Variants in PPM1B observed in about 807,000 individuals in gnomAD.
PPM1B encodes protein phosphatase, Mg2+/Mn2+ dependent 1B.
Under a neutral mutation model 43.0 loss-of-function variants are expected in PPM1B, and 22 were observed. That is an observed-to-expected ratio of 0.51 (90% CI 0.37 to 0.73). PPM1B has a LOEUF of 0.73. Among genes scored for constraint, PPM1B ranks in the 30% least tolerant of loss-of-function variants. The pLI, the probability that PPM1B is intolerant of heterozygous loss-of-function variation, is 0.00. For synonymous variants in PPM1B, 217 were observed against 197.9 expected, an observed-to-expected ratio of 1.10 and a Z score of -0.81; for missense variants, 632 against 584.2, an observed-to-expected ratio of 1.08 and a Z score of -0.84.
At chr2:44,221,035 G>A (rs1282885745) in intron 5 of PPM1B, among the ~76,000 whole-genome samples, 1 of 152,152 alleles carries the variant, frequency 6.6e-6, no homozygotes, top group Non-Finnish European at 1.5e-5. Context: ...TAGGGTAATG[G>A]ACCACCTTAT....
At chr2:44,203,689 A>T (rs751275114) in intron 2 of PPM1B, among the ~76,000 whole-genome samples, 1 of 152,128 alleles carries the variant, frequency 6.6e-6, no homozygotes, top group Non-Finnish European at 1.5e-5. Context: ...TTCCAACAAT[A>T]TATTGTAGAG....
Position 44,201,288 on chromosome 2 carries a change from A to G in PPM1B, c.89A>G (p.Gln30Arg). The change falls in exon 2 of 6, where the codon CAA becomes CGA. Residue 30 changes from glutamine to arginine, a missense_variant. Physicochemically the swap from Gln to Arg is conservative, Grantham distance 43. Coordinates refer to ENST00000282412, the MANE Select transcript of PPM1B (RefSeq NM_002706.6). This position sits in a 1 kb window ranked among gnomAD's most constrained non-coding sequence, Gnocchi z 5.4. The stretch of plus-strand genomic sequence containing the variant: ...TTACGTTATGGCCTGAGCAGCATGC[A>G]AGGATGGAGAGTGGAAATGGAAGAT... ...NGLRYGLSSMQGWRVEMEDAH... is the reference protein window; with the variant it reads ...NGLRYGLSSMRGWRVEMEDAH... 3.1e-6 allele frequency: 5 copies of G among 1,614,190 alleles called. No individual in the cohort carries two copies. Among genetic ancestry groups the G allele is most frequent in the Non-Finnish European group, 4.2e-6 (5 of 1,180,028 alleles).
Position 44,201,382 on chromosome 2 carries a change from T to C in PPM1B, c.183T>C (p.Gly61=). 6.2e-7 allele frequency: 1 copy of C among 1,614,146 alleles called. No homozygotes were observed. The highest frequency in any genetic ancestry group is 8.5e-7 in the Non-Finnish European group (1 of 1,180,016). ...GGTCATTTTTTGCAGTTTATGATGG[T>C]CATGCTGGATCCCGAGTGGCAAATT... ...EDWSFFAVYD[G]HAGSRVANYC... is the part of the protein sequence containing the mutation. The change falls in exon 2 of 6, where the codon GGT becomes GGC. Residue 61 remains glycine, a synonymous_variant. Transcript: ENST00000282412. The surrounding 1 kb of genome is among the most constrained non-coding windows in gnomAD (Gnocchi z 5.4).
intron 5 of PPM1B, among the ~76,000 whole-genome samples, chr2:44,229,533 T>C (rs903324069): frequency 2.6e-5 from 4 of 152,214 alleles, no homozygotes; most frequent in Non-Finnish European, 5.9e-5. Flanking sequence ...TTCATATGAT[T>C]GTTTTCTCAT....
At chr2:44,228,157 C>T (rs983581677) in intron 5 of PPM1B, among the ~76,000 whole-genome samples, 11 of 146,352 alleles carry the variant, frequency 7.5e-5, no homozygotes, top group Middle Eastern at 3.3e-3. Context: ...TTCCTGACCT[C>T]GTGATCCACC....
chr2:44,208,850 A>G (rs953292698), intron 2 of PPM1B, among the ~76,000 whole-genome samples: 1 of 152,210 alleles, frequency 6.6e-6, no homozygotes, highest in African/African-American at 2.4e-5. Flanking sequence ...ACATTTGCAT[A>G]TGTGTTTGGG....
intron 5 of PPM1B, among the ~76,000 whole-genome samples, chr2:44,239,870 T>C (rs1362375979): frequency 6.7e-6 from 1 of 148,500 alleles, no homozygotes; most frequent in African/African-American, 2.5e-5. Flanking sequence ...TTTCTTCTGC[T>C]CTATTGTTTT....
chr2:44,192,860 C>G (rs1353327202), intron 1 of PPM1B, among the ~76,000 whole-genome samples: 1 of 152,160 alleles, frequency 6.6e-6, no homozygotes, highest in Non-Finnish European at 1.5e-5. Context: ...GCATAATATC[C>G]TCCAGGTTCA....
intron 1 of PPM1B, among the ~76,000 whole-genome samples, chr2:44,176,292 C>T (rs749827236): frequency 4.6e-5 from 7 of 152,086 alleles, no homozygotes; most frequent in South Asian, 2.1e-4. Context: ...TTGGGATATA[C>T]CTATAAAATA....
downstream of PPM1B, among the ~76,000 whole-genome samples, chr2:44,235,005 C>T (rs1408680952): frequency 6.6e-6 from 1 of 152,118 alleles, no homozygotes; most frequent in Non-Finnish European, 1.5e-5. Context: ...TATGAAGAAA[C>T]CTGGCCTCAC....
intron 1 of PPM1B, among the ~76,000 whole-genome samples, chr2:44,195,017 A>G (rs1489786578): frequency 6.7e-6 from 1 of 149,524 alleles, no homozygotes; most frequent in East Asian, 2.0e-4. Context: ...TCAGCCTCCT[A>G]AGTAGCTGGG....
chr2:44,193,902 C>G (rs917687695), intron 1 of PPM1B, among the ~76,000 whole-genome samples: 1 of 152,038 alleles, frequency 6.6e-6, no homozygotes, highest in Non-Finnish European at 1.5e-5. Context: ...TTTATAGAGA[C>G]AGAGTCTCAC....
chr2:44,214,463 T>TG lies in PPM1B; in HGVS notation c.965-3496dup, dbSNP rs373736540. On this transcript the variant is annotated intron_variant, in intron 3 of 5. Transcript: ENST00000282412. ...GGTAAGGCAGATATTTTTTCGGGGG[T>TG]GGGGGGGGCATGGCAGTAGATATAG... 5.0e-3 allele frequency among the ~76,000 whole-genome samples: 694 copies of TG among 138,984 alleles called. 2 individuals carry two copies. Among genetic ancestry groups the TG allele is most frequent in the African/African-American group, 0.015 (550 of 37,268 alleles). 91.2% of individuals were successfully genotyped at this position (138,984 alleles called of 152,430 possible).
chr2:44,188,389 CTT>C (rs1236238969), intron 1 of PPM1B, among the ~76,000 whole-genome samples: 1 of 118,730 alleles, frequency 8.4e-6, no homozygotes, highest in Non-Finnish European at 1.7e-5. Context: ...TTCTTTCTTT[CTT>C]TCTTTTTTTT....
intron 3 of PPM1B, chr2:44,217,746 A>T (rs1669788142): frequency 3.1e-6 from 1 of 319,752 alleles, no homozygotes; most frequent in Admixed American, 4.6e-5. Context: ...GAATGAACAT[A>T]CATATGCAAA....
rs1670457591 is a variant in PPM1B, at chr2:44,231,225, G to C, written c.*507G>C. The C allele has an allele frequency of 1.0e-6, 1 of 982,984 alleles. No homozygotes were observed. The highest frequency in any genetic ancestry group is 1.8e-5 in the African/African-American group (1 of 57,136). The allele number at this position is 982,984 out of a possible 1,614,324, so 60.9% of individuals were successfully genotyped here. A position where few individuals can be genotyped will look rare whatever the true frequency, so the allele number is the denominator to read the frequency against. ...TGATAATTTGTGTGTTGTTTGATTT[G>C]TTTATATTTTACATCTCTGTAGTTT... On this transcript the variant is annotated 3_prime_UTR_variant, in exon 6 of 6. Transcript: ENST00000282412.
In PPM1B at chr2:44,201,744, A is replaced by C; in HGVS notation, c.545A>C (p.Asn182Thr). ...CNPREKERIQNAGGSVMIQRV... is the reference protein window; with the variant it reads ...CNPREKERIQTAGGSVMIQRV... ...CCAAGGGAAAAGGAGCGAATCCAAAATGCAGGAGGCAGCGTGATGATACAA... is the reference window on the plus strand; with the variant it reads ...CCAAGGGAAAAGGAGCGAATCCAAACTGCAGGAGGCAGCGTGATGATACAA... Residue 182 changes from asparagine to threonine, a missense_variant, in exon 2 of 6, where the codon AAT (asparagine) becomes ACT (threonine). Physicochemically the swap from Asn to Thr is moderately conservative, Grantham distance 65. Around this residue, in one of 3 missense-constraint regions of PPM1B, gnomAD observed 40 missense variants for 80.8 expected, o/e 0.50. Transcript: ENST00000282412. The surrounding 1 kb of genome is among the most constrained non-coding windows in gnomAD (Gnocchi z 5.4). 1 of 1,614,242 alleles carries C rather than the reference A, an allele frequency of 6.2e-7. No individual in the cohort carries two copies. The highest frequency in any genetic ancestry group is 8.5e-7 in the Non-Finnish European group (1 of 1,180,032).
At chr2:44,186,543 AG>A (rs1174318642) in intron 1 of PPM1B, among the ~76,000 whole-genome samples, 4 of 151,448 alleles carry the variant, frequency 2.6e-5, no homozygotes, top group South Asian at 2.1e-4. Flanking sequence ...TAATTTTTGA[AG>A]TTTTTTTTTT....
chr2:44,202,654 T>C, intron 2 of PPM1B, among the ~76,000 whole-genome samples: 1 of 152,344 alleles, frequency 6.6e-6, no homozygotes, highest in South Asian at 2.1e-4. Flanking sequence ...TAAAATTCTT[T>C]TCATATAGAT....
Sources: gnomAD v4.1 joint callset for allele counts (sites outside exome capture counted in the v4.1 genomes callset) on GRCh38, gnomAD v4.1.1 for gene constraint, gnomAD v4.1.1 regional missense constraint, Gnocchi (gnomAD v3.1) non-coding constraint, MANE v1.5 for transcripts, NCBI Gene and HGNC (gene_info 2026-07-23, HGNC 2026-07-21) for gene names.